GALNT9: variants seen among roughly 807,000 people sequenced by gnomAD.
GALNT9 encodes GalNAc transferase 9.
Under a neutral mutation model 63.1 loss-of-function variants are expected in GALNT9, and 47 were observed. The observed-to-expected ratio is 0.75, with a 90% confidence interval of 0.59 to 0.95. The LOEUF is 0.95. GALNT9 is among the 40% of genes least tolerant of loss of function. The probability of loss-of-function intolerance (pLI) is 0.00; values close to 1 mark genes in which losing one functional copy is unlikely to be tolerated. For synonymous variants in GALNT9, 396 were observed against 365.7 expected, an observed-to-expected ratio of 1.08 and a Z score of -0.94; for missense variants, 829 against 874.8, an observed-to-expected ratio of 0.95 and a Z score of 0.66.
chr12:132,243,382 G>C (rs1214976494), intron 6 of GALNT9, among the ~76,000 whole-genome samples: 1 of 151,956 alleles, frequency 6.6e-6, no homozygotes, highest in Non-Finnish European at 1.5e-5. Context: ...AGTCCTCCCC[G>C]TCCTCCGGAG....
chr12:132,266,947 A>G (rs1879622261), intron 2 of GALNT9, among the ~76,000 whole-genome samples: 1 of 152,152 alleles, frequency 6.6e-6, no homozygotes, highest in Admixed American at 6.5e-5. Flanking sequence ...GCAGAGACTC[A>G]GGTGAGCATC....
At chr12:132,264,372 C>T (rs149171279) in intron 2 of GALNT9, among the ~76,000 whole-genome samples, 199 of 152,348 alleles carry the variant, frequency 1.3e-3, no homozygotes, top group African/African-American at 4.4e-3. Context: ...GAAGCCGAGC[C>T]GGGATGGCCT....
intron 6 of GALNT9, among the ~76,000 whole-genome samples, chr12:132,206,891 A>C (rs146209232): frequency 0.032 from 4,895 of 152,036 alleles, 247 homozygotes; most frequent in African/African-American, 0.11. Flanking sequence ...ATAGTGAGAC[A>C]CCACCTCCAC....
intron 1 of GALNT9, among the ~76,000 whole-genome samples, chr12:132,306,389 G>A (rs1226138980): frequency 2.0e-5 from 3 of 152,220 alleles, no homozygotes; most frequent in Non-Finnish European, 4.4e-5. Context: ...CTGGCCAGGA[G>A]GCGACCCACT....
At chr12:132,248,538 C>T (rs1351672098) in intron 5 of GALNT9, among the ~76,000 whole-genome samples, 2 of 152,180 alleles carry the variant, frequency 1.3e-5, no homozygotes, top group Admixed American at 1.3e-4. Context: ...CATCATTTCC[C>T]AAGTTCGAGT....
intron 2 of GALNT9, chr12:132,275,168 A>G (rs1880033526): frequency 6.6e-6 from 1 of 152,388 alleles, no homozygotes; most frequent in Non-Finnish European, 1.5e-5. Context: ...CTTGCCAGGC[A>G]GTGGACTTTC....
In GALNT9 at chr12:132,309,493, G is replaced by A. The variant is rs570958119; in HGVS notation, c.238+19473C>T. Among the ~76,000 whole-genome samples, 5 of 152,358 alleles carry A rather than the reference G, an allele frequency of 3.3e-5. No homozygotes were observed. In the South Asian group the frequency reaches 1.0e-3, roughly 32 times the overall value. ...ATAATTAAGGTAAGGATTTCAAGATGAGGTCATCCTGGACTCGGGGCAGCG... is the reference window on the plus strand; with the variant it reads ...ATAATTAAGGTAAGGATTTCAAGATAAGGTCATCCTGGACTCGGGGCAGCG... On this transcript the variant is annotated intron_variant, in intron 1 of 10. Transcript: ENST00000328957.
At chr12:132,211,819 G>C (rs534846672) in intron 6 of GALNT9, among the ~76,000 whole-genome samples, 5 of 152,290 alleles carry the variant, frequency 3.3e-5, no homozygotes, top group Admixed American at 1.3e-4. Flanking sequence ...GAGGCAGCCA[G>C]ACTCCAAACT....
chr12:132,310,026 G>A lies in GALNT9; in HGVS notation c.238+18940C>T, dbSNP rs1193449884. Among the ~76,000 whole-genome samples the A allele has an allele frequency of 6.6e-6, 1 of 152,244 alleles. No homozygotes were observed. Among genetic ancestry groups the A allele is most frequent in the Non-Finnish European group, 1.5e-5 (1 of 68,046 alleles). On this transcript the variant is annotated intron_variant, in intron 1 of 10. Coordinates refer to ENST00000328957, the MANE Select transcript of GALNT9 (RefSeq NM_001122636.2). The surrounding 1 kb of genome is among the most constrained non-coding windows in gnomAD (Gnocchi z 4.8). Reference sequence around the variant, plus strand: ...AGACTCGAGTGGAACTTGCTGGGTGGAATTTCTGAGAAATATGTCTAAAAA... The same window carrying A: ...AGACTCGAGTGGAACTTGCTGGGTGAAATTTCTGAGAAATATGTCTAAAAA...
At chr12:132,234,658 A>T (rs1273378368) in intron 6 of GALNT9, among the ~76,000 whole-genome samples, 1 of 17,620 alleles carries the variant, frequency 5.7e-5, no homozygotes. Context: ...TGGAGTCCCT[A>T]GTGCCACACA....
At chr12:132,226,342 T>A (rs1877686318) in intron 6 of GALNT9, among the ~76,000 whole-genome samples, 2 of 129,364 alleles carry the variant, frequency 1.5e-5, no homozygotes, top group South Asian at 5.1e-4. Flanking sequence ...CACACATACA[T>A]CCCTTATACC....
chr12:132,211,789 A>G (rs1427305492), intron 6 of GALNT9, among the ~76,000 whole-genome samples: 4 of 152,160 alleles, frequency 2.6e-5, no homozygotes, highest in Admixed American at 6.6e-5. Flanking sequence ...GAGTATGTCC[A>G]AGTCACCCAG....
chr12:132,303,815 G>A (rs377416169), intron 1 of GALNT9, among the ~76,000 whole-genome samples: 1 of 57,698 alleles, frequency 1.7e-5, no homozygotes, highest in Non-Finnish European at 3.3e-5. Context: ...ACCCTCACCC[G>A]GGCACACCCT....
chr12:132,250,952 G>A (rs1315774440), intron 5 of GALNT9, among the ~76,000 whole-genome samples: 3 of 152,182 alleles, frequency 2.0e-5, no homozygotes, highest in Admixed American at 6.5e-5. Flanking sequence ...CCCGGTGCCC[G>A]TGAACCTGGG....
intron 6 of GALNT9, among the ~76,000 whole-genome samples, chr12:132,239,541 GAGTCAGAGACAGTC>G: frequency 6.6e-6 from 1 of 150,988 alleles, no homozygotes; most frequent in Non-Finnish European, 1.5e-5. Context: ...CAGAGAGACA[GAGTCAGAGACAGTC>G]AGAGACAGAG....
chr12:132,318,575 G>A (rs1555245880), intron 1 of GALNT9, among the ~76,000 whole-genome samples: 1 of 152,246 alleles, frequency 6.6e-6, no homozygotes, highest in East Asian at 1.9e-4. Flanking sequence ...GCAGCCGTAG[G>A]ATCACGCAGA....
Position 132,198,813 on chromosome 12 carries a change from G to C in GALNT9, c.1497+361C>G, listed in dbSNP as rs563114632. On this transcript the variant is annotated intron_variant, in intron 9 of 10. Transcript: ENST00000328957. ...AATACGGGCATGCCCCACCATGCCC[G>C]GCTAATTTTTGTATTTTTTGTAGCG... 1.1e-4 allele frequency among the ~76,000 whole-genome samples: 16 copies of C among 152,286 alleles called. No homozygotes were observed. In the East Asian group the frequency reaches 2.1e-3, roughly 20 times the overall value.
rs1566013337 is a variant in GALNT9, at chr12:132,286,271, A to G, written c.398T>C (p.Ile133Thr). 3.2e-6 allele frequency: 5 copies of G among 1,550,898 alleles called. No individual in the cohort carries two copies. Among genetic ancestry groups the G allele is most frequent in the Non-Finnish European group, 4.4e-6 (5 of 1,146,744 alleles). ...LSDRISLDRSIPDYRPRKCRQ... is the reference protein window; with the variant it reads ...LSDRISLDRSTPDYRPRKCRQ... ...TCACTTTCTGGGCCGGTAGTCGGGG[A>G]TGCTCCGATCGAGGGAGATGCGGTC... is the stretch of plus-strand genomic sequence containing the variant. Residue 133 changes from isoleucine (I) to threonine (T), a missense_variant, in exon 2 of 11, where the codon ATC (isoleucine) becomes ACC (threonine). Transcript: ENST00000328957. This position sits in a 1 kb window ranked among gnomAD's most constrained non-coding sequence, Gnocchi z 7.4.
intron 2 of GALNT9, chr12:132,277,332 G>A (rs1555241278): frequency 6.5e-6 from 1 of 154,884 alleles, no homozygotes. Flanking sequence ...ACAGACGCCT[G>A]CTAACATCAC....
Sources: gnomAD v4.1 joint callset for allele counts (sites outside exome capture counted in the v4.1 genomes callset) on GRCh38, gnomAD v4.1.1 for gene constraint, Gnocchi (gnomAD v3.1) non-coding constraint, MANE v1.5 for transcripts, NCBI Gene and HGNC (gene_info 2026-07-23, HGNC 2026-07-21) for gene names.